The following LSAMP variants were observed in gnomAD, a reference collection of about 807,000 sequenced individuals.
LSAMP encodes the protein limbic system associated membrane protein.
LSAMP carries 7 observed loss-of-function variants against 38.6 expected under a neutral mutation model. The observed-to-expected ratio is 0.18, with a 90% CI of 0.10 to 0.34. LSAMP has a LOEUF of 0.34. LSAMP is among the 10% of genes least tolerant of loss of function. The pLI, the probability that LSAMP is intolerant of heterozygous loss-of-function variation, is 1.00. For synonymous variants in LSAMP, 154 were observed against 166.8 expected (o/e 0.92, Z 0.59); for missense variants, 313 against 420.0 (o/e 0.75, Z 2.23).
intron 6 of LSAMP, among the ~76,000 whole-genome samples, chr3:115,817,932 T>C (rs547405375): frequency 4.6e-5 from 7 of 152,304 alleles, no homozygotes; most frequent in African/African-American, 1.7e-4. Flanking sequence ...CCTTTCATAA[T>C]ACGAGCTTTG....
In LSAMP at chr3:115,806,282, A is replaced by AC. The variant is rs1343304830; in HGVS notation, c.*4034_*4035insG. ...AAACATTATTCTTAATTTGTCTTATAATACATACATTATTGTAAATATAGC... is the reference window on the plus strand; with the variant it reads ...AAACATTATTCTTAATTTGTCTTATACATACATACATTATTGTAAATATAGC... On this transcript the variant is annotated 3_prime_UTR_variant, in exon 7 of 7. Transcript: ENST00000490035. The AC allele has an allele frequency of 1.3e-5, 2 of 152,238 alleles. No homozygotes were observed. The highest frequency in any genetic ancestry group is 4.8e-5 in the African/African-American group (2 of 41,462). The allele number at this position is 152,238 out of a possible 1,614,324, so 9.4% of individuals were successfully genotyped here. A position where few individuals can be genotyped will look rare whatever the true frequency, so the allele number is the denominator to read the frequency against.
intron 1 of LSAMP, among the ~76,000 whole-genome samples, chr3:116,167,084 C>T (rs1299791894): frequency 1.3e-5 from 2 of 152,052 alleles, no homozygotes; most frequent in Non-Finnish European, 2.9e-5. Flanking sequence ...AGCCGCTGCG[C>T]CTGGCCCTAA....
chr3:115,841,328 ATTATG>A (rs1490732218), intron 6 of LSAMP, among the ~76,000 whole-genome samples: 1 of 152,154 alleles, frequency 6.6e-6, no homozygotes, highest in Non-Finnish European at 1.5e-5. Context: ...TAGATTTTAC[ATTATG>A]TTTTTATCAT....
At chr3:116,414,640 G>C (rs1174954961) in intron 1 of LSAMP, among the ~76,000 whole-genome samples, 1 of 152,060 alleles carries the variant, frequency 6.6e-6, no homozygotes, top group Non-Finnish European at 1.5e-5. Flanking sequence ...GTATCTTGAG[G>C]AACTGGAGGA....
intron 1 of LSAMP, among the ~76,000 whole-genome samples, chr3:116,408,141 G>A (rs975959804): frequency 6.6e-6 from 1 of 151,830 alleles, no homozygotes; most frequent in Non-Finnish European, 1.5e-5. Context: ...TACTATTAAT[G>A]TTTTCCATCT....
chr3:115,941,336 T>G (rs536046571), intron 3 of LSAMP, among the ~76,000 whole-genome samples: 41 of 152,252 alleles, frequency 2.7e-4, no homozygotes, highest in Admixed American at 1.0e-3. Flanking sequence ...GGAATGTAAC[T>G]TGGTATAGCC....
intron 3 of LSAMP, among the ~76,000 whole-genome samples, chr3:115,932,679 G>T (rs1937599466): frequency 1.3e-5 from 2 of 152,132 alleles, no homozygotes; most frequent in African/African-American, 4.8e-5. Context: ...CCCATGGAAT[G>T]GTTCTCTTGA....
At chr3:116,208,843 C>T (rs564282869) in intron 1 of LSAMP, among the ~76,000 whole-genome samples, 155 of 152,330 alleles carry the variant, frequency 1.0e-3, no homozygotes, top group Non-Finnish European at 1.0e-3. Context: ...GAGTTTACTG[C>T]TGTCTTTTTG....
intron 3 of LSAMP, among the ~76,000 whole-genome samples, chr3:115,960,043 G>T (rs1303340963): frequency 1.3e-5 from 2 of 152,108 alleles, no homozygotes; most frequent in Non-Finnish European, 2.9e-5. Context: ...CCAAACTGAA[G>T]ATTTGTGTCC....
intron 1 of LSAMP, among the ~76,000 whole-genome samples, chr3:116,130,987 CTTTTT>C (rs148232332): frequency 1.8e-5 from 2 of 112,652 alleles, no homozygotes; most frequent in African/African-American, 3.8e-5. Flanking sequence ...AGGTTCCACA[CTTTTT>C]TTTTTTTTTT....
In LSAMP at chr3:115,902,589, T is replaced by C. The variant is rs545764736; in HGVS notation, c.515-49972A>G. On this transcript the variant is annotated intron_variant, in intron 3 of 6. Transcript: ENST00000490035. ...AATGGGAAAAAATATTTGCAAACTA[T>C]GCATCTGTCAAAGGTTTAATATCCA... Among the ~76,000 whole-genome samples the C allele has an allele frequency of 1.4e-4, 21 of 152,220 alleles. No homozygotes were observed. In the South Asian group the frequency reaches 4.4e-3, roughly 32 times the overall value.
chr3:116,203,948 T>C (rs2046027765), intron 1 of LSAMP, among the ~76,000 whole-genome samples: 1 of 152,192 alleles, frequency 6.6e-6, no homozygotes, highest in Non-Finnish European at 1.5e-5. Context: ...ATGGTATTTC[T>C]AGTTCTAGAT....
intron 3 of LSAMP, among the ~76,000 whole-genome samples, chr3:115,877,146 C>G (rs1383675576): frequency 6.6e-6 from 1 of 152,126 alleles, no homozygotes; most frequent in African/African-American, 2.4e-5. Flanking sequence ...TTGGCTTGAG[C>G]TTCTTAATTC....
intron 1 of LSAMP, among the ~76,000 whole-genome samples, chr3:116,289,858 G>C (rs1017470329): frequency 6.6e-6 from 1 of 152,132 alleles, no homozygotes; most frequent in Non-Finnish European, 1.5e-5. Flanking sequence ...TAGGAAAAGA[G>C]GATTTATTGT....
At chr3:116,194,734 C>T (rs1450401247) in intron 1 of LSAMP, among the ~76,000 whole-genome samples, 1 of 152,158 alleles carries the variant, frequency 6.6e-6, no homozygotes, top group Non-Finnish European at 1.5e-5. Context: ...TCCTATCCTT[C>T]CCAATTCCTG....
intron 4 of LSAMP, among the ~76,000 whole-genome samples, chr3:115,847,714 GA>G (rs776288945): frequency 1.3e-3 from 198 of 152,328 alleles, no homozygotes; most frequent in Non-Finnish European, 2.3e-3. Flanking sequence ...GCCTTGTGAA[GA>G]ATGTGCCTTG....
chr3:116,157,745 G>A (rs1279247735), intron 1 of LSAMP, among the ~76,000 whole-genome samples: 1 of 151,822 alleles, frequency 6.6e-6, no homozygotes, highest in Non-Finnish European at 1.5e-5. Flanking sequence ...CTATGGATCC[G>A]ATGGATTCAC....
At chr3:115,899,557 C>T (rs1441155900) in intron 3 of LSAMP, among the ~76,000 whole-genome samples, 1 of 152,130 alleles carries the variant, frequency 6.6e-6, no homozygotes, top group Non-Finnish European at 1.5e-5. Context: ...GTCCTTGGAA[C>T]ACAATGAGTA....
chr3:115,818,386 G>A (rs1184646392), intron 6 of LSAMP, among the ~76,000 whole-genome samples: 1 of 152,064 alleles, frequency 6.6e-6, no homozygotes, highest in Non-Finnish European at 1.5e-5. Flanking sequence ...TAAGTTTATG[G>A]TACACAGGCT....
Sources: gnomAD v4.1 joint callset for allele counts (sites outside exome capture counted in the v4.1 genomes callset) on GRCh38, gnomAD v4.1.1 for gene constraint, MANE v1.5 for transcripts, NCBI Gene and HGNC (gene_info 2026-07-23, HGNC 2026-07-21) for gene names.